The following GPHN variants were observed in gnomAD, a reference collection of about 807,000 sequenced individuals.
The protein encoded by GPHN is gephyrin.
In GPHN, 17 loss-of-function variants were observed where a neutral mutation model predicts 95.5. The observed-to-expected ratio is 0.18, with a 90% confidence interval of 0.12 to 0.27. The LOEUF is 0.27. GPHN is among the 10% of genes least tolerant of loss of function. GPHN has a pLI of 1.00. For missense variants in GPHN, 660 were observed against 978.1 expected, an observed-to-expected ratio of 0.67 and a Z score of 4.34; for synonymous variants, 320 against 322.5, an observed-to-expected ratio of 0.99 and a Z score of 0.08.
At chr14:66,874,529 G>T (rs1596235468) in intron 4 of GPHN, among the ~76,000 whole-genome samples, 1 of 152,126 alleles carries the variant, frequency 6.6e-6, no homozygotes, top group African/African-American at 2.4e-5. Flanking sequence ...AGAGGAATTG[G>T]TAACTAGAAT....
the GPHN span, among the ~76,000 whole-genome samples, chr14:67,551,419 G>A: frequency 6.6e-6 from 1 of 152,152 alleles, no homozygotes; most frequent in Admixed American, 6.5e-5. Flanking sequence ...GGGGCAGCTT[G>A]TGGAATCTTC....
the GPHN span, among the ~76,000 whole-genome samples, chr14:67,699,209 C>T: frequency 2.5e-4 from 38 of 151,398 alleles, no homozygotes; most frequent in African/African-American, 8.3e-4. Flanking sequence ...GCCAAGTTCG[C>T]GCCATTGCAC....
the GPHN span, among the ~76,000 whole-genome samples, chr14:67,285,734 A>G: frequency 6.6e-6 from 1 of 152,102 alleles, no homozygotes; most frequent in Admixed American, 6.6e-5. Context: ...CCAGAGTTCT[A>G]GGCATTGGAA....
intron 1 of GPHN, among the ~76,000 whole-genome samples, chr14:66,525,205 G>C (rs1293785535): frequency 6.6e-6 from 1 of 152,138 alleles, no homozygotes; most frequent in Non-Finnish European, 1.5e-5. Flanking sequence ...GCGTGAGATG[G>C]TATCACATTG....
At chr14:67,338,931 T>C in the GPHN span, among the ~76,000 whole-genome samples, 1 of 151,738 alleles carries the variant, frequency 6.6e-6, no homozygotes, top group African/African-American at 2.4e-5. Context: ...TTAAAAAACA[T>C]AATTTTAAGC....
rs182588448 is a variant in GPHN at position 67,029,324 on chromosome 14, G to T, written c.1006+5649G>T. Among the ~76,000 whole-genome samples, 8 of 151,232 alleles carry T rather than the reference G, an allele frequency of 5.3e-5. No homozygotes were observed. The East Asian group carries it at 1.6e-3, about 29-fold the overall frequency. ...TGATTAGTATACTGGTGGTACTTCT[G>T]GTATTATCATTATTCTTTTTTTTTT... On this transcript the variant is annotated intron_variant, in intron 10 of 22. Coordinates refer to ENST00000478722, the MANE Select transcript of GPHN (RefSeq NM_020806.5).
At chr14:66,942,469 A>G (rs913044794) in intron 8 of GPHN, among the ~76,000 whole-genome samples, 3 of 152,252 alleles carry the variant, frequency 2.0e-5, no homozygotes, top group African/African-American at 7.2e-5. Flanking sequence ...ATTATAAACC[A>G]TCTTTTGAAA....
At chr14:67,364,774 G>A in the GPHN span, 2 of 1,611,488 alleles carry the variant, frequency 1.2e-6, no homozygotes, top group Admixed American at 1.7e-5. Flanking sequence ...CAGAATGCCG[G>A]GTCTAAGTTG....
the GPHN span, among the ~76,000 whole-genome samples, chr14:67,346,035 T>C: frequency 4.1e-3 from 620 of 152,320 alleles, 17 homozygotes; most frequent in East Asian, 0.059. Flanking sequence ...CCAAACACTA[T>C]AGGAGCATGC....
the GPHN span, chr14:67,581,129 C>A: frequency 1.2e-6 from 1 of 802,390 alleles, no homozygotes; most frequent in Non-Finnish European, 2.2e-6. Flanking sequence ...CCTATCCAGA[C>A]GGGGGGAGGG....
At chr14:67,479,474 T>G in the GPHN span, among the ~76,000 whole-genome samples, 2 of 149,950 alleles carry the variant, frequency 1.3e-5, no homozygotes, top group Admixed American at 6.6e-5. Flanking sequence ...TCCCAGTACT[T>G]TGGGAGGCCG....
chr14:66,667,605 G>T (rs1820227640), intron 1 of GPHN, among the ~76,000 whole-genome samples: 1 of 152,186 alleles, frequency 6.6e-6, no homozygotes, highest in African/African-American at 2.4e-5. Context: ...GCCATAGGTC[G>T]AAAATTGAAA....
chr14:66,556,390 AAGCT>A (rs1266839549), intron 1 of GPHN, among the ~76,000 whole-genome samples: 1 of 152,254 alleles, frequency 6.6e-6, no homozygotes, highest in Non-Finnish European at 1.5e-5. Context: ...GTTGATCTTT[AAGCT>A]TTGACTCTAA....
the GPHN span, chr14:67,397,877 G>T: frequency 1.3e-6 from 2 of 1,490,940 alleles, no homozygotes; most frequent in Non-Finnish European, 1.8e-6. Flanking sequence ...GGGAGGGTAT[G>T]GTGTTCAGGG....
At chr14:67,416,190 T>G in the GPHN span, among the ~76,000 whole-genome samples, 1 of 152,230 alleles carries the variant, frequency 6.6e-6, no homozygotes, top group South Asian at 2.1e-4. Flanking sequence ...TTATTTTTTA[T>G]CAGCCCACAT....
Position 66,852,364 on chromosome 14 carries a change from TGAG to T in GPHN, c.295-27570_295-27568del, listed in dbSNP as rs142900782. Among the ~76,000 whole-genome samples the T allele has an allele frequency of 1.4e-3, 209 of 152,304 alleles. 3 individuals are homozygous for T. In the East Asian group the frequency reaches 0.026, roughly 19 times the overall value. On this transcript the variant is annotated intron_variant, in intron 4 of 22. Coordinates refer to ENST00000478722, the MANE Select transcript of GPHN (RefSeq NM_020806.5). ...TGCCACTATTACGGTAGCTTTCAGT[TGAG>T]GAGGGAAAAAAATGTGTGTGTGTGC...
the GPHN span, among the ~76,000 whole-genome samples, chr14:67,358,059 C>G: frequency 4.6e-5 from 7 of 152,096 alleles, no homozygotes; most frequent in Admixed American, 4.6e-4. Context: ...TAAATTCTCC[C>G]CCTAGCTTTG....
chr14:67,390,256 T>G, the GPHN span, among the ~76,000 whole-genome samples: 1 of 152,094 alleles, frequency 6.6e-6, no homozygotes, highest in Non-Finnish European at 1.5e-5. Flanking sequence ...TTTCAAAACA[T>G]AGGTGGGGAA....
chr14:67,583,176 G>A, the GPHN span, among the ~76,000 whole-genome samples: 1 of 152,206 alleles, frequency 6.6e-6, no homozygotes, highest in African/African-American at 2.4e-5. Context: ...AGAGGAAACA[G>A]TAATAGTTGA....
Sources: gnomAD v4.1 joint callset for allele counts (sites outside exome capture counted in the v4.1 genomes callset) on GRCh38, gnomAD v4.1.1 for gene constraint, MANE v1.5 for transcripts, NCBI Gene and HGNC (gene_info 2026-07-23, HGNC 2026-07-21) for gene names.